PBX1: variants seen among roughly 807,000 people sequenced by gnomAD.
PBX1 encodes PBX homeobox 1.
In PBX1, 6 loss-of-function variants were observed where a neutral mutation model predicts 53.4. The observed-to-expected ratio is 0.11, with a 90% CI of 0.06 to 0.22. PBX1 has a LOEUF of 0.22. PBX1 is among the 10% of genes least tolerant of loss of function. The pLI is 1.00. For synonymous variants in PBX1, 204 were observed against 212.3 expected, an observed-to-expected ratio of 0.96 and a Z score of 0.34; for missense variants, 251 against 551.4, an observed-to-expected ratio of 0.46 and a Z score of 5.46.
At chr1:164,693,532 C>G (rs1333731591) in intron 2 of PBX1, among the ~76,000 whole-genome samples, 3 of 152,126 alleles carry the variant, frequency 2.0e-5, no homozygotes, top group African/African-American at 4.8e-5. Context: ...TCACAGCTCC[C>G]CCTTCTTTCC....
At chr1:164,642,997 AG>A (rs1659234775) in intron 2 of PBX1, among the ~76,000 whole-genome samples, 1 of 152,292 alleles carries the variant, frequency 6.6e-6, no homozygotes, top group East Asian at 1.9e-4. Flanking sequence ...CTTCATTCTG[AG>A]GGCATCAGTA....
chr1:164,659,558 G>T (rs180671673), intron 2 of PBX1, among the ~76,000 whole-genome samples: 1 of 152,296 alleles, frequency 6.6e-6, no homozygotes, highest in East Asian at 1.9e-4. Context: ...GATTTGTACC[G>T]AGGAAGCAGC....
At chr1:164,641,890 G>A (rs1219040961) in intron 2 of PBX1, 2 of 152,180 alleles carry the variant, frequency 1.3e-5, no homozygotes, top group African/African-American at 4.8e-5. Flanking sequence ...TTCCTTTAAG[G>A]AAGTTAGAAC....
intron 2 of PBX1, among the ~76,000 whole-genome samples, chr1:164,686,662 G>A (rs2102010575): frequency 1.3e-5 from 2 of 152,296 alleles, no homozygotes; most frequent in African/African-American, 4.8e-5. Flanking sequence ...TCCTAGGCAT[G>A]GGTCAGGTAC....
At chr1:164,765,554 T>TA (rs1667019843) in intron 2 of PBX1, among the ~76,000 whole-genome samples, 1 of 152,190 alleles carries the variant, frequency 6.6e-6, no homozygotes, top group African/African-American at 2.4e-5. Context: ...AGCTAACACT[T>TA]ACTGGATGCC....
intron 2 of PBX1, among the ~76,000 whole-genome samples, chr1:164,750,689 G>C (rs529880940): frequency 6.6e-6 from 1 of 152,162 alleles, no homozygotes; most frequent in Non-Finnish European, 1.5e-5. Context: ...CTTTGTTTCA[G>C]TGGGTTCTTT....
chr1:164,659,181 G>A (rs555308938), intron 2 of PBX1, among the ~76,000 whole-genome samples: 59 of 152,292 alleles, frequency 3.9e-4, no homozygotes, highest in African/African-American at 1.3e-3. Context: ...AATTAGGTTC[G>A]TTGTTTTAAG....
chr1:164,626,926 G>A (rs1414103218), intron 2 of PBX1, among the ~76,000 whole-genome samples: 2 of 152,144 alleles, frequency 1.3e-5, no homozygotes, highest in Non-Finnish European at 2.9e-5. Flanking sequence ...AAAGATCAAA[G>A]CAGAGGAATA....
chr1:164,581,322 G>A (rs1557872467), intron 2 of PBX1, among the ~76,000 whole-genome samples: 2 of 151,610 alleles, frequency 1.3e-5, no homozygotes, highest in African/African-American at 2.4e-5. Context: ...CCGCCTCTCG[G>A]GTTCAAGTGA....
At chr1:164,690,204 G>A (rs1454500671) in intron 2 of PBX1, among the ~76,000 whole-genome samples, 2 of 152,102 alleles carry the variant, frequency 1.3e-5, no homozygotes, top group Non-Finnish European at 2.9e-5. Flanking sequence ...CATTATCTCT[G>A]CCACATCGGA....
At chr1:164,618,290 A>T (rs900637874) in intron 2 of PBX1, among the ~76,000 whole-genome samples, 1 of 27,238 alleles carries the variant, frequency 3.7e-5, no homozygotes, top group Non-Finnish European at 1.1e-4. Flanking sequence ...AGGGAGAATA[A>T]TCACGGCGGG....
chr1:164,598,650 T>C (rs1447148363), intron 2 of PBX1, among the ~76,000 whole-genome samples: 1 of 152,230 alleles, frequency 6.6e-6, no homozygotes, highest in Non-Finnish European at 1.5e-5. Context: ...GATTTTGTCA[T>C]TGGTTCTTAT....
chr1:164,799,949 C>A lies in PBX1; in HGVS notation c.701+60C>A, dbSNP rs1231374418. 1.1e-5 allele frequency: 16 copies of A among 1,467,912 alleles called. No homozygotes were observed. In the East Asian group the frequency reaches 3.7e-4, roughly 34 times the overall value. The allele number at this position is 1,467,912 out of a possible 1,614,324, so 90.9% of individuals were successfully genotyped here. A position where few individuals can be genotyped will look rare whatever the true frequency, so the allele number is the denominator to read the frequency against. Reference sequence around the variant, plus strand: ...GGAGTCCCTGATCTGGGGCTGGAGTCCACAGCCGCTGCCCCCTTCAGGCTC... The same window carrying A: ...GGAGTCCCTGATCTGGGGCTGGAGTACACAGCCGCTGCCCCCTTCAGGCTC... On this transcript the variant is annotated intron_variant, in intron 4 of 8. Coordinates refer to ENST00000420696, the MANE Select transcript of PBX1 (RefSeq NM_002585.4).
chr1:164,864,557 A>G (rs1324224378), intron 2 of PBX1, among the ~76,000 whole-genome samples: 3 of 152,160 alleles, frequency 2.0e-5, no homozygotes, highest in Non-Finnish European at 2.9e-5. Flanking sequence ...CAGATTTTTC[A>G]TAGGTAATGA....
chr1:164,747,778 G>A (rs1665974177), intron 2 of PBX1, among the ~76,000 whole-genome samples: 1 of 152,162 alleles, frequency 6.6e-6, no homozygotes, highest in Admixed American at 6.5e-5. Flanking sequence ...ATGATACCAA[G>A]GTAGTGGCTA....
At chr1:164,843,437 G>A (rs957384531) in intron 8 of PBX1, among the ~76,000 whole-genome samples, 5 of 152,046 alleles carry the variant, frequency 3.3e-5, no homozygotes, top group African/African-American at 7.2e-5. Flanking sequence ...GGGTCTACTC[G>A]GATCTGAGAC....
intron 6 of PBX1, chr1:164,815,702 T>A (rs990864743): frequency 2.0e-5 from 3 of 152,238 alleles, no homozygotes; most frequent in African/African-American, 7.2e-5. Context: ...TATAAAACCA[T>A]CAGATAGATC....
intron 2 of PBX1, among the ~76,000 whole-genome samples, chr1:164,718,084 T>A (rs1664205752): frequency 2.6e-5 from 4 of 152,204 alleles, no homozygotes; most frequent in Admixed American, 2.6e-4. Flanking sequence ...ACACATGCTT[T>A]AAGTCACAGA....
At chr1:164,834,699 T>C (rs1357602239) in intron 8 of PBX1, among the ~76,000 whole-genome samples, 1 of 152,192 alleles carries the variant, frequency 6.6e-6, no homozygotes, top group Non-Finnish European at 1.5e-5. Context: ...TCACAGGTTA[T>C]TGTTGTATTT....
Sources: allele counts gnomAD v4.1 joint callset (sites outside exome capture counted in the v4.1 genomes callset), GRCh38; gene constraint gnomAD v4.1.1; transcripts MANE v1.5; gene names NCBI Gene and HGNC (gene_info 2026-07-23, HGNC 2026-07-21).